ACSS1: variants seen among roughly 807,000 people sequenced by gnomAD.
ACSS1 encodes the protein acetyl-coenzyme A synthetase 2-like, mitochondrial.
Under a neutral mutation model 75.3 loss-of-function variants are expected in ACSS1, and 42 were observed. The ratio of observed to expected loss-of-function variants is 0.56; its 90% confidence interval spans 0.44 to 0.72. The LOEUF (loss-of-function observed/expected upper bound fraction) is 0.72. Among genes scored for constraint, ACSS1 ranks in the 30% least tolerant of loss-of-function variants. ACSS1 has a pLI of 0.00. For missense variants in ACSS1, 782 were observed against 935.7 expected (o/e 0.84, Z 2.14); for synonymous variants, 380 against 376.8 (o/e 1.01, Z -0.10).
chr20:25,031,434 T>A (rs894025928), intron 2 of ACSS1, among the ~76,000 whole-genome samples: 14 of 152,260 alleles, frequency 9.2e-5, no homozygotes, highest in African/African-American at 3.1e-4. Flanking sequence ...GCTTTTAAGA[T>A]GATTATAGGC....
At chr20:25,032,802 T>C (rs1320142915) in intron 2 of ACSS1, 2 of 687,570 alleles carry the variant, frequency 2.9e-6, no homozygotes, top group East Asian at 2.2e-4. Context: ...AAGGAGGCCT[T>C]TGTTTCTTCC....
chr20:25,021,856 C>A (rs2088630508), intron 5 of ACSS1, among the ~76,000 whole-genome samples: 1 of 152,182 alleles, frequency 6.6e-6, no homozygotes, highest in Admixed American at 6.5e-5. Flanking sequence ...GGACAGACAT[C>A]CGAATCCCCT....
chr20:25,010,275 G>T, intron 12 of ACSS1: 1 of 152,392 alleles, frequency 6.6e-6, no homozygotes. Flanking sequence ...TCGTTTCCTT[G>T]GTGATCATCT....
At chr20:25,040,168 G>C (rs1477040218) in intron 2 of ACSS1, among the ~76,000 whole-genome samples, 1 of 152,144 alleles carries the variant, frequency 6.6e-6, no homozygotes, top group Non-Finnish European at 1.5e-5. Flanking sequence ...AAAACCACAG[G>C]AGATTTTTCA....
At chr20:25,056,250 G>A (rs1376613229) in intron 1 of ACSS1, among the ~76,000 whole-genome samples, 1 of 152,190 alleles carries the variant, frequency 6.6e-6, no homozygotes, top group African/African-American at 2.4e-5. Context: ...CACAAGTCCA[G>A]AGCAGGTCAC....
chr20:25,046,883 G>A (rs764328526), intron 2 of ACSS1: 2 of 779,718 alleles, frequency 2.6e-6, no homozygotes, highest in Non-Finnish European at 4.8e-6. Flanking sequence ...CTAGAGATAA[G>A]AAATGCGTGC....
chr20:25,013,741 C>G (rs2088463357), intron 9 of ACSS1, 79 bp from the exon 10 acceptor site: 1 of 1,524,902 alleles, frequency 6.6e-7, no homozygotes, highest in African/African-American at 1.4e-5. Flanking sequence ...GCCCTGCCCT[C>G]AAGGGAGCTG....
At chr20:25,053,611 G>A (rs929450606) in intron 1 of ACSS1, among the ~76,000 whole-genome samples, 1 of 152,120 alleles carries the variant, frequency 6.6e-6, no homozygotes, top group Non-Finnish European at 1.5e-5. Context: ...TCACTAGGAG[G>A]AAAATGAAGC....
At position 25,030,836 on chromosome 20, in the gene ACSS1, C is replaced by G; in HGVS notation, c.554G>C (p.Cys185Ser). 3 of 1,614,242 alleles carry G rather than the reference C, an allele frequency of 1.9e-6. No homozygotes were observed. Among genetic ancestry groups the G allele is most frequent in the East Asian group, 2.2e-5 (1 of 44,880 alleles). The change falls in exon 3 of 14, where the codon TGT becomes TCT. Residue 185 changes from cysteine (C) to serine (S), a missense_variant. Cys to Ser is a moderately radical substitution (Grantham distance 112). Transcript: ENST00000323482. ...TGTGTGGACAGCTCCGATCCTGGCA[C>G]AGGCCAGCATTGCTGCCACAGCCAA... is the stretch of plus-strand genomic sequence containing the variant. ...SPLAVAAMLACARIGAVHTVI... is the reference protein window; with the variant it reads ...SPLAVAAMLASARIGAVHTVI...
chr20:25,022,864 G>C (rs2088647277), intron 5 of ACSS1, 76 bp downstream of exon 5: 5 of 1,489,102 alleles, frequency 3.4e-6, no homozygotes, highest in African/African-American at 1.4e-5. Context: ...GCCTCGCTCT[G>C]CAGCAGGAGG....
intron 1 of ACSS1, among the ~76,000 whole-genome samples, chr20:25,054,695 A>G (rs2089219494): frequency 6.6e-6 from 1 of 152,230 alleles, no homozygotes; most frequent in Admixed American, 6.5e-5. Context: ...CTTGGGAGTG[A>G]GAAACAGGCA....
rs1485214167 is a variant in ACSS1, at chr20:25,007,519, C to G, written c.*243G>C. The G allele has an allele frequency of 1.5e-6, 2 of 1,321,362 alleles. No individual in the cohort carries two copies. Among genetic ancestry groups the G allele is most frequent in the Non-Finnish European group, 1.9e-6 (2 of 1,035,594 alleles). 81.9% of individuals were successfully genotyped at this position (1,321,362 alleles called of 1,614,324 possible). On this transcript the variant is annotated 3_prime_UTR_variant, in exon 14 of 14. Coordinates refer to ENST00000323482, the MANE Select transcript of ACSS1 (RefSeq NM_032501.4). Reference sequence around the variant, plus strand: ...TGCCTTTTCATTCCAGGAAACCAAACTCAGATGGCAGAACCAGCCCTAGCC... The same window carrying G: ...TGCCTTTTCATTCCAGGAAACCAAAGTCAGATGGCAGAACCAGCCCTAGCC...
rs1271320457 is a variant in ACSS1, at chr20:25,006,424, C to T, written c.*1338G>A. On this transcript the variant is annotated 3_prime_UTR_variant, in exon 14 of 14. Transcript: ENST00000323482. ...CTAAGCCTGTAACAAAAGACCACCA[C>T]TCAGTATTTGTGTACCCTGCAGCCA... 1 of 171,488 alleles carries T rather than the reference C, an allele frequency of 5.8e-6. No homozygotes were observed. The highest frequency in any genetic ancestry group is 1.5e-4 in the South Asian group (1 of 6,708). The allele number at this position is 171,488 out of a possible 1,614,324, so 10.6% of individuals were successfully genotyped here.
At chr20:25,022,867 G>A in intron 5 of ACSS1, 73 bp downstream of exon 5, 4 of 1,495,436 alleles carry the variant, frequency 2.7e-6, no homozygotes, top group Non-Finnish European at 3.6e-6. Context: ...TCGCTCTGCA[G>A]CAGGAGGACT....
chr20:25,048,070 T>A lies in ACSS1; in HGVS notation c.431+15A>T, dbSNP rs755939049. On this transcript the variant is annotated intron_variant, in intron 2 of 13. Coordinates refer to ENST00000323482, the MANE Select transcript of ACSS1 (RefSeq NM_032501.4). ...GGCGCCTCCCTCGCACCTTGAACAT[T>A]CGAGGGCACAGTACCTGTAGGTGAT... The A allele has an allele frequency of 6.2e-7, 1 of 1,612,152 alleles. No individual in the cohort carries two copies.
intron 3 of ACSS1, among the ~76,000 whole-genome samples, chr20:25,025,306 G>A (rs564545911): frequency 1.3e-5 from 2 of 152,340 alleles, no homozygotes; most frequent in East Asian, 1.9e-4. Context: ...GAAGTACCCA[G>A]GAGCTTCTGA....
intron 5 of ACSS1, 102 bp from the exon 6 acceptor site, chr20:25,021,638 T>C: frequency 2.8e-5 from 40 of 1,450,924 alleles, no homozygotes; most frequent in Non-Finnish European, 3.7e-5. Flanking sequence ...AGTCCATAGC[T>C]GTGAGAGGCA....
At chr20:25,053,642 C>T (rs1055814901) in intron 1 of ACSS1, among the ~76,000 whole-genome samples, 3 of 152,068 alleles carry the variant, frequency 2.0e-5, no homozygotes, top group African/African-American at 7.2e-5. Context: ...AGCGTCTTGC[C>T]GCTGTCAGTG....
At chr20:25,049,538 A>T (rs1363527529) in intron 1 of ACSS1, among the ~76,000 whole-genome samples, 1 of 152,202 alleles carries the variant, frequency 6.6e-6, no homozygotes. Flanking sequence ...AACGTAAGAA[A>T]CATGCAAAAG....
Sources: allele counts gnomAD v4.1 joint callset (sites outside exome capture counted in the v4.1 genomes callset), GRCh38; gene constraint gnomAD v4.1.1; transcripts MANE v1.5; gene names NCBI Gene and HGNC (gene_info 2026-07-23, HGNC 2026-07-21).